Variants in PCDH11Y observed in about 807,000 individuals in gnomAD.
PCDH11Y encodes protocadherin-11 Y-linked.
For missense variants in PCDH11Y, 12 were observed against 224.8 expected (o/e 0.05, Z 6.05); for synonymous variants, 9 against 83.6 (o/e 0.11, Z 4.87).
At chrY:5,123,033 C>T (rs2052820519) in intron 2 of PCDH11Y, among the ~76,000 whole-genome samples, 3 of 32,514 alleles carry the variant, frequency 9.2e-5, no homozygotes, top group Admixed American at 8.7e-4. Flanking sequence ...TAGTGATTCT[C>T]CTCAAAATTA....
At chrY:5,299,923 A>G (rs2124663039) in intron 2 of PCDH11Y, among the ~76,000 whole-genome samples, 5 of 31,034 alleles carry the variant, frequency 1.6e-4, no homozygotes, top group African/African-American at 3.8e-4. Flanking sequence ...AGAAACAGCA[A>G]TTTGGCAGGT....
At chrY:5,338,932 G>T in intron 2 of PCDH11Y, 1 of 220,264 alleles carries the variant, frequency 4.5e-6, no homozygotes, top group South Asian at 3.5e-5. Context: ...CGGGGCCATT[G>T]TCTCTGGATC....
intron 2 of PCDH11Y, among the ~76,000 whole-genome samples, chrY:5,375,057 C>T: frequency 3.0e-5 from 1 of 32,883 alleles, no homozygotes; most frequent in Non-Finnish European, 7.5e-5. Context: ...GTGGATGTGT[C>T]TTTTCTTTTC....
intron 2 of PCDH11Y, among the ~76,000 whole-genome samples, chrY:5,432,780 A>G: frequency 3.0e-5 from 1 of 33,277 alleles, no homozygotes; most frequent in Non-Finnish European, 7.4e-5. Flanking sequence ...ATTTCAAAGC[A>G]CCTTAGCCTG....
intron 2 of PCDH11Y, among the ~76,000 whole-genome samples, chrY:5,482,522 T>C (rs1189094521): frequency 4.8e-3 from 162 of 33,809 alleles, no homozygotes; most frequent in Non-Finnish European, 9.2e-3. Flanking sequence ...CTTGTAACAT[T>C]TTTTGGTGTA....
chrY:5,584,359 A>G (rs2053453285), intron 4 of PCDH11Y, among the ~76,000 whole-genome samples: 1 of 31,183 alleles, frequency 3.2e-5, no homozygotes, highest in East Asian at 8.6e-4. Flanking sequence ...TTTTGCATCA[A>G]TATTCATCAG....
downstream of PCDH11Y, among the ~76,000 whole-genome samples, chrY:5,101,755 T>TAA (rs2052780020): frequency 3.0e-5 from 1 of 33,618 alleles, no homozygotes; most frequent in South Asian, 6.4e-4. Flanking sequence ...TGTTAACTCT[T>TAA]AAAAAAGTAT....
intron 2 of PCDH11Y, among the ~76,000 whole-genome samples, chrY:5,182,650 G>T: frequency 6.0e-5 from 2 of 33,398 alleles, no homozygotes; most frequent in Non-Finnish European, 1.5e-4. Context: ...GAGAGGTCCT[G>T]CCCAGTGAGA....
intron 2 of PCDH11Y, among the ~76,000 whole-genome samples, chrY:5,286,990 A>G (rs2053061054): frequency 3.0e-5 from 1 of 33,341 alleles, no homozygotes; most frequent in Non-Finnish European, 7.4e-5. Flanking sequence ...CTGAAGAGGA[A>G]TGCTTCTAGC....
chrY:5,069,093 T>G, intron 1 of PCDH11Y, among the ~76,000 whole-genome samples: 8 of 32,733 alleles, frequency 2.4e-4, no homozygotes, highest in African/African-American at 9.6e-4. Context: ...CAGGCTGACT[T>G]GGTTCTGTTG....
chrY:5,432,381 C>G, intron 2 of PCDH11Y, among the ~76,000 whole-genome samples: 1 of 32,933 alleles, frequency 3.0e-5, no homozygotes, highest in Non-Finnish European at 7.5e-5. Context: ...CTGTTTTTAT[C>G]CTCTGATTTG....
chrY:5,520,207 A>C, intron 3 of PCDH11Y, among the ~76,000 whole-genome samples: 1 of 26,966 alleles, frequency 3.7e-5, no homozygotes, highest in Non-Finnish European at 8.7e-5. Flanking sequence ...CAACAGAGTG[A>C]AATTCCATCT....
chrY:5,005,004 C>T, intron 1 of PCDH11Y, among the ~76,000 whole-genome samples: 1 of 33,591 alleles, frequency 3.0e-5, no homozygotes, highest in Admixed American at 2.6e-4. Context: ...AATAGTCATT[C>T]CTAGTCAGTG....
chrY:5,728,011 G>A, intron 4 of PCDH11Y, among the ~76,000 whole-genome samples: 1 of 32,647 alleles, frequency 3.1e-5, no homozygotes, highest in African/African-American at 1.2e-4. Flanking sequence ...TTATATAATA[G>A]GAACCATACA....
intron 3 of PCDH11Y, among the ~76,000 whole-genome samples, chrY:5,536,283 G>C: frequency 6.1e-5 from 2 of 32,775 alleles, no homozygotes; most frequent in African/African-American, 1.2e-4. Flanking sequence ...CTGTAGTTTT[G>C]ATTTGCATTT....
At chrY:5,191,732 C>T (rs2052912836) in intron 2 of PCDH11Y, among the ~76,000 whole-genome samples, 40 of 25,891 alleles carry the variant, frequency 1.5e-3, no homozygotes, top group South Asian at 8.2e-3. Context: ...TAAGAACATG[C>T]GGTGTTTGGT....
At chrY:5,370,091 T>A in intron 2 of PCDH11Y, among the ~76,000 whole-genome samples, 10 of 32,957 alleles carry the variant, frequency 3.0e-4, no homozygotes, top group African/African-American at 1.2e-3. Flanking sequence ...TTGTATTCAT[T>A]AAGTGTAAAC....
intron 3 of PCDH11Y, among the ~76,000 whole-genome samples, chrY:5,560,336 T>C: frequency 3.0e-5 from 1 of 33,535 alleles, no homozygotes; most frequent in Non-Finnish European, 7.3e-5. Context: ...AAGAATTTAC[T>C]ATTTTTTGAG....
chrY:5,513,063 T>C, intron 3 of PCDH11Y, among the ~76,000 whole-genome samples: 2 of 32,345 alleles, frequency 6.2e-5, no homozygotes, highest in Admixed American at 5.7e-4. Flanking sequence ...CGGAGTCTCG[T>C]TCTGTTGCCC....
Sources: allele counts gnomAD v4.1 joint callset (sites outside exome capture counted in the v4.1 genomes callset), GRCh38; gene constraint gnomAD v4.1.1; transcripts MANE v1.5; gene names NCBI Gene and HGNC (gene_info 2026-07-23, HGNC 2026-07-21).